Variants in RPN1 observed in about 807,000 individuals in gnomAD.
RPN1 encodes the protein ribophorin I.
A neutral mutation model predicts 55.5 loss-of-function variants in RPN1; 12 were observed. The observed-to-expected ratio is 0.22, with a 90% CI of 0.14 to 0.35. RPN1 has a LOEUF of 0.35. Among genes scored for constraint, RPN1 ranks in the 10% least tolerant of loss-of-function variants. The probability of loss-of-function intolerance (pLI) is 1.00; values close to 1 mark genes in which losing one functional copy is unlikely to be tolerated. For missense variants in RPN1, 679 were observed against 761.3 expected, an observed-to-expected ratio of 0.89 and a Z score of 1.27; for synonymous variants, 317 against 305.9, an observed-to-expected ratio of 1.04 and a Z score of -0.38.
At chr3:128,644,823 C>A in intron 2 of RPN1, 96 bp downstream of exon 2, 1 of 748,418 alleles carries the variant, frequency 1.3e-6, no homozygotes, top group South Asian at 1.6e-5. Flanking sequence ...ATAAAGCAGG[C>A]ACTTCCTAAG....
In RPN1 at chr3:128,650,598, G is replaced by A. The variant is rs13064206; in HGVS notation, c.203C>T (p.Ser68Phe). The A allele has an allele frequency of 1.9e-6, 3 of 1,550,016 alleles. No individual in the cohort carries two copies. The highest frequency in any genetic ancestry group is 2.6e-6 in the Non-Finnish European group (3 of 1,146,880). Residue 68 changes from serine (S) to phenylalanine (F), a missense_variant, in exon 1 of 10, where the codon TCT (serine) becomes TTT (phenylalanine). Coordinates refer to ENST00000296255, the MANE Select transcript of RPN1 (RefSeq NM_002950.4). ...CTCAGGCTCCAAAGCCAGCAGGAAA[G>A]AGGTAGCTCGGGACGTGGAGCCGCC... ...LGGGSTSRAT[S>F]FLLALEPELE... is the part of the protein sequence containing the mutation.
At chr3:128,629,363 C>G (rs2069625535) in intron 5 of RPN1, among the ~76,000 whole-genome samples, 1 of 152,076 alleles carries the variant, frequency 6.6e-6, no homozygotes, top group African/African-American at 2.4e-5. Flanking sequence ...GAGTTCAAGA[C>G]CAACCTGGCC....
In RPN1 at chr3:128,620,258, C is replaced by T. The variant is rs942341722; in HGVS notation, c.*153G>A. On this transcript the variant is annotated 3_prime_UTR_variant, in exon 10 of 10. Transcript: ENST00000296255. ...GTTAAGGACAAACGGCAAACTCACA[C>T]TGCCTGACGCAGGGCCTGGTTTCTC... The T allele has an allele frequency of 6.5e-5, 31 of 475,986 alleles. No homozygotes were observed. Among genetic ancestry groups the T allele is most frequent in the African/African-American group, 6.2e-4 (31 of 50,018 alleles). The allele number at this position is 475,986 out of a possible 1,614,324, so 29.5% of individuals were successfully genotyped here.
rs745859737 is a variant in RPN1, at chr3:128,635,593, G to A, written c.633+2206C>T. ...TGGGATTACAGGCGTGAGCCAGTGC[G>A]CCTGCCCCTATAACTTGAGATATAT... is the stretch of plus-strand genomic sequence containing the variant. On this transcript the variant is annotated intron_variant, in intron 3 of 9. Transcript: ENST00000296255. Among the ~76,000 whole-genome samples the A allele has an allele frequency of 4.8e-5, 7 of 147,054 alleles. No individual in the cohort carries two copies. The South Asian group carries it at 1.1e-3, about 23-fold the overall frequency.
At position 128,625,974 on chromosome 3, in the gene RPN1, G is replaced by A; in HGVS notation, c.1175C>T (p.Ala392Val). The change falls in exon 7 of 10, where the codon GCC (alanine) becomes GTC (valine). Residue 392 changes from alanine to valine, a missense_variant. Physicochemically the swap from Ala to Val is moderately conservative, Grantham distance 64. Transcript: ENST00000296255. ...EIDSPYEISR[A>V]PDELHYTYLD... ...ATAGGTGTAGTGCAGCTCATCTGGG[G>A]CACGGCTGATTTCATAGGGACTATC... The A allele has an allele frequency of 1.9e-6, 3 of 1,611,872 alleles. No individual in the cohort carries two copies. The highest frequency in any genetic ancestry group is 2.5e-6 in the Non-Finnish European group (3 of 1,179,252).
chr3:128,632,411 G>C (rs1396428568), intron 3 of RPN1, among the ~76,000 whole-genome samples: 1 of 152,152 alleles, frequency 6.6e-6, no homozygotes, highest in Admixed American at 6.5e-5. Context: ...GATTGTATTA[G>C]GCAGTTTTGT....
At position 128,626,782 on chromosome 3, in the gene RPN1, G is replaced by A; in HGVS notation, c.1087C>T (p.Gln363Ter). The stretch of plus-strand genomic sequence containing the variant: ...TTCACAGTCAGAGAATCTATCACTT[G>A]TTCATCAAACACATGGTCCACAAAC... ...MRFVDHVFDE[Q>*]VIDSLTVKII... Residue 363 changes from glutamine to a stop codon, truncating the protein, a stop_gained, in exon 6 of 10, where the codon CAA becomes TAA. Transcript: ENST00000296255. LOFTEE classifies it high-confidence loss of function. 6.2e-7 allele frequency: 1 copy of A among 1,614,118 alleles called. No homozygotes were observed. Among genetic ancestry groups the A allele is most frequent in the Non-Finnish European group, 8.5e-7 (1 of 1,180,034 alleles).
At chr3:128,634,514 T>C (rs1251718204) in intron 3 of RPN1, among the ~76,000 whole-genome samples, 1 of 151,914 alleles carries the variant, frequency 6.6e-6, no homozygotes, top group African/African-American at 2.4e-5. Context: ...TCGATAGTGG[T>C]TGTGAACTGA....
Position 128,631,800 on chromosome 3 carries a change from G to A in RPN1, c.843+148C>T, listed in dbSNP as rs2107716193. The A allele has an allele frequency of 2.6e-5, 21 of 794,546 alleles. No individual in the cohort carries two copies. In the South Asian group the frequency reaches 3.0e-4, roughly 11 times the overall value. The allele number at this position is 794,546 out of a possible 1,614,324, so 49.2% of individuals were successfully genotyped here. A position where few individuals can be genotyped will look rare whatever the true frequency, so the allele number is the denominator to read the frequency against. On this transcript the variant is annotated intron_variant, in intron 4 of 9. Transcript: ENST00000296255. ...ATGGGGGGGTATTTTTTAAGATTCT[G>A]TTGGTTTCTAACACTGCCAATCAAC...
intron 2 of RPN1, among the ~76,000 whole-genome samples, chr3:128,640,501 T>C (rs754957005): frequency 9.8e-5 from 15 of 152,316 alleles, no homozygotes; most frequent in Non-Finnish European, 2.1e-4. Flanking sequence ...ATTCTTAGTT[T>C]CAAGTCCCAA....
At chr3:128,620,797 G>A (rs1438897164) in intron 9 of RPN1, among the ~76,000 whole-genome samples, 3 of 152,162 alleles carry the variant, frequency 2.0e-5, no homozygotes, top group African/African-American at 7.2e-5. Context: ...CCACCCACAA[G>A]CCCCGTTCTT....
At chr3:128,633,713 C>T (rs748160336) in intron 3 of RPN1, among the ~76,000 whole-genome samples, 91 of 152,074 alleles carry the variant, frequency 6.0e-4, no homozygotes, top group Non-Finnish European at 1.1e-3. Flanking sequence ...CACTTAAAAA[C>T]GGTTTACAGG....
At chr3:128,650,222 G>T (rs373112824) in intron 1 of RPN1, among the ~76,000 whole-genome samples, 8 of 152,236 alleles carry the variant, frequency 5.3e-5, no homozygotes, top group African/African-American at 1.9e-4. Context: ...CCAAACAGGG[G>T]CAAGCTCCGA....
rs1391712520 is a variant in RPN1, at chr3:128,630,155, T to C, written c.844-12A>G. 6.3e-7 allele frequency: 1 copy of C among 1,593,474 alleles called. No homozygotes were observed. The highest frequency in any genetic ancestry group is 2.2e-5 in the East Asian group (1 of 44,602). On this transcript the variant is annotated splice_polypyrimidine_tract_variant and intron_variant, in intron 4 of 9. Transcript: ENST00000296255. ...GCAGGAAGGATGGTCTGCAAGAGAG[T>C]GGATATGCCCTTCTAAAACTCCAGG... is the stretch of plus-strand genomic sequence containing the variant.
At chr3:128,638,976 A>T (rs535176814) in intron 2 of RPN1, among the ~76,000 whole-genome samples, 243 of 152,102 alleles carry the variant, frequency 1.6e-3, no homozygotes, top group African/African-American at 5.5e-3. Flanking sequence ...AAAAAAAAAA[A>T]TTTTAATAGA....
At chr3:128,621,881 G>A (rs989712605) in intron 9 of RPN1, among the ~76,000 whole-genome samples, 10 of 152,202 alleles carry the variant, frequency 6.6e-5, no homozygotes, top group Non-Finnish European at 1.5e-4. Flanking sequence ...ACCTAGAACA[G>A]TCTGGCCTCC....
At chr3:128,640,616 A>G (rs1330210922) in intron 2 of RPN1, among the ~76,000 whole-genome samples, 2 of 152,186 alleles carry the variant, frequency 1.3e-5, no homozygotes, top group Non-Finnish European at 2.9e-5. Context: ...ACAAAACCTT[A>G]TCATTCATGA....
rs1288647457 is a variant in RPN1, at chr3:128,646,290, G to A, written c.262-1307C>T. The stretch of plus-strand genomic sequence containing the variant: ...TGTAGAGACAAGATCTCCCTATGTT[G>A]CCCAGACTGGTTTCGAACTCTTGGG... On this transcript the variant is annotated intron_variant, in intron 1 of 9. Coordinates refer to ENST00000296255, the MANE Select transcript of RPN1 (RefSeq NM_002950.4). 2.0e-4 allele frequency among the ~76,000 whole-genome samples: 29 copies of A among 148,052 alleles called. No individual in the cohort carries two copies. In the Admixed American group the frequency reaches 2.0e-3, roughly 10 times the overall value.
rs1189281375 is a variant in RPN1, at chr3:128,622,544, C to A, written c.1396-135G>T. Reference sequence around the variant, plus strand: ...CCTTCTTGGAAAGTCAAAGTCAAACCCCTACTGATACCTAATCTGGACCAG... The same window carrying A: ...CCTTCTTGGAAAGTCAAAGTCAAACACCTACTGATACCTAATCTGGACCAG... On this transcript the variant is annotated intron_variant, in intron 8 of 9. Coordinates refer to ENST00000296255, the MANE Select transcript of RPN1 (RefSeq NM_002950.4). 6.4e-6 allele frequency: 7 copies of A among 1,097,396 alleles called. No individual in the cohort carries two copies. The Admixed American group carries it at 6.6e-5, about 10-fold the overall frequency. The allele number at this position is 1,097,396 out of a possible 1,614,324, so 68.0% of individuals were successfully genotyped here. A position where few individuals can be genotyped will look rare whatever the true frequency, so the allele number is the denominator to read the frequency against.
Sources: gnomAD v4.1 joint callset for allele counts (sites outside exome capture counted in the v4.1 genomes callset) on GRCh38, gnomAD v4.1.1 for gene constraint, MANE v1.5 for transcripts, NCBI Gene and HGNC (gene_info 2026-07-23, HGNC 2026-07-21) for gene names.